THADA: variants seen among roughly 807,000 people sequenced by gnomAD.
The protein encoded by THADA is tRNA (32-2'-O)-methyltransferase regulator THADA.
In THADA, 213 loss-of-function variants were observed where a neutral mutation model predicts 219.8. The observed-to-expected ratio is 0.97, with a 90% CI of 0.87 to 1.09. The LOEUF (loss-of-function observed/expected upper bound fraction) is 1.09, where lower values mean the gene tolerates loss of function less well. Ranked by LOEUF, THADA falls within the 50% of genes least tolerant of loss-of-function variation. THADA has a pLI of 0.00. For missense variants in THADA, 2,956 were observed against 2,311.3 expected, an observed-to-expected ratio of 1.28 and a Z score of -5.72; for synonymous variants, 1,018 against 828.9, an observed-to-expected ratio of 1.23 and a Z score of -3.92.
intron 24 of THADA, among the ~76,000 whole-genome samples, chr2:43,499,674 G>A (rs534371785): frequency 1.3e-5 from 2 of 152,066 alleles, no homozygotes; most frequent in South Asian, 2.1e-4. Flanking sequence ...AGCGCACCCG[G>A]CCTAAAAAAA....
intron 26 of THADA, among the ~76,000 whole-genome samples, chr2:43,445,440 T>A (rs112258625): frequency 1.1e-4 from 16 of 152,140 alleles, no homozygotes; most frequent in African/African-American, 3.1e-4. Flanking sequence ...AACAAAACAA[T>A]GAGTGATCAG....
chr2:43,460,638 G>T (rs1289850787), intron 26 of THADA, among the ~76,000 whole-genome samples: 1 of 152,132 alleles, frequency 6.6e-6, no homozygotes, highest in East Asian at 1.9e-4. Context: ...GTACATAAAA[G>T]ATACAATTCT....
At chr2:43,455,518 TCA>T (rs35958795) in intron 26 of THADA, among the ~76,000 whole-genome samples, 70,361 of 148,650 alleles carry the variant, frequency 0.47, 16,988 homozygotes, top group African/African-American at 0.6. Context: ...TCTCTCTCTC[TCA>T]CACACACACA....
intron 26 of THADA, among the ~76,000 whole-genome samples, chr2:43,441,310 A>C (rs1247254071): frequency 1.3e-5 from 2 of 152,216 alleles, no homozygotes; most frequent in African/African-American, 4.8e-5. Flanking sequence ...CCAGAGTTCT[A>C]ATTTACTACA....
chr2:43,359,593 T>A (rs1291553755), intron 29 of THADA, among the ~76,000 whole-genome samples: 1 of 152,146 alleles, frequency 6.6e-6, no homozygotes, highest in East Asian at 1.9e-4. Flanking sequence ...GGCAGAAGAA[T>A]TGCTTGAACC....
intron 34 of THADA, among the ~76,000 whole-genome samples, chr2:43,291,042 T>C (rs1674632524): frequency 6.6e-6 from 1 of 151,990 alleles, no homozygotes; most frequent in Non-Finnish European, 1.5e-5. Flanking sequence ...ATTGACATGC[T>C]TACTCCTCTT....
intron 15 of THADA, chr2:43,564,150 A>G (rs1241197027): frequency 6.6e-6 from 1 of 152,244 alleles, no homozygotes; most frequent in Non-Finnish European, 1.5e-5. Flanking sequence ...GTAATCAATC[A>G]CTCTAAGGTA....
At chr2:43,333,853 G>C (rs1169991711) in intron 30 of THADA, among the ~76,000 whole-genome samples, 1 of 152,198 alleles carries the variant, frequency 6.6e-6, no homozygotes, top group Non-Finnish European at 1.5e-5. Flanking sequence ...CTTCAGGAGG[G>C]GACCAGCCCA....
chr2:43,254,905 C>T (rs1277851836), intron 36 of THADA, among the ~76,000 whole-genome samples: 1 of 152,158 alleles, frequency 6.6e-6, no homozygotes, highest in Non-Finnish European at 1.5e-5. Flanking sequence ...CTCCTGCACT[C>T]TTTGGTCATC....
In THADA at chr2:43,293,149, C is replaced by T. The variant is rs755357069; in HGVS notation, c.4503G>A (p.Thr1501=). The change falls in exon 32 of 38, where the codon ACG becomes ACA. Residue 1501 remains threonine, a synonymous_variant. Coordinates refer to ENST00000405975, the MANE Select transcript of THADA (RefSeq NM_022065.5). ...RGIISGSELI[T]GFPWAFKVPG... is the part of the protein sequence containing the mutation. ...GCACCTTGAAGGCCCAAGGGAATCC[C>T]GTTATCAGCTCTGATCCTGAGATAA... The T allele has an allele frequency of 6.2e-6, 10 of 1,613,814 alleles. No individual in the cohort carries two copies. Among genetic ancestry groups the T allele is most frequent in the Admixed American group, 3.3e-5 (2 of 59,986 alleles).
intron 16 of THADA, among the ~76,000 whole-genome samples, chr2:43,558,690 G>A (rs1697691204): frequency 6.6e-6 from 1 of 152,130 alleles, no homozygotes. Flanking sequence ...GCTTGCAGAG[G>A]GCTATTGTGG....
In THADA at chr2:43,293,218, G is replaced by C. The variant is rs935307701; in HGVS notation, c.4439-5C>G. On this transcript the variant is annotated splice_polypyrimidine_tract_variant and splice_region_variant and intron_variant, in intron 31 of 37. Transcript: ENST00000405975. ...AGAAGCCAAGACTCTCCAGAACTAA[G>C]AAGCAAAAAAAGCAAAAGGGAAAGA... 2.5e-6 allele frequency: 4 copies of C among 1,585,652 alleles called. No homozygotes were observed. In the Admixed American group the frequency reaches 5.5e-5, roughly 22 times the overall value.
At chr2:43,272,410 G>C (rs990886607) in intron 36 of THADA, among the ~76,000 whole-genome samples, 12 of 152,212 alleles carry the variant, frequency 7.9e-5, no homozygotes, top group African/African-American at 2.9e-4. Flanking sequence ...GAAGTCTGGG[G>C]AGAGATGGTG....
intron 28 of THADA, among the ~76,000 whole-genome samples, chr2:43,410,009 C>T (rs1192231231): frequency 6.8e-6 from 1 of 147,218 alleles, no homozygotes; most frequent in African/African-American, 2.5e-5. Context: ...AGATCAAGAT[C>T]TCATCTCTTA....
intron 29 of THADA, among the ~76,000 whole-genome samples, chr2:43,381,906 A>C (rs750216916): frequency 1.3e-5 from 2 of 152,174 alleles, no homozygotes; most frequent in Admixed American, 6.5e-5. Context: ...TATTGATAGC[A>C]TGTGATAGCA....
chr2:43,420,779 G>T (rs1006004770), intron 28 of THADA, among the ~76,000 whole-genome samples: 18 of 152,150 alleles, frequency 1.2e-4, no homozygotes, highest in African/African-American at 4.1e-4. Context: ...AGATAACAAG[G>T]TATCTTTTTA....
At chr2:43,586,679 C>G (rs1422203796) in intron 6 of THADA, 23 bp downstream of exon 6, 2 of 1,601,632 alleles carry the variant, frequency 1.2e-6, no homozygotes, top group Admixed American at 1.7e-5. Context: ...ACTCATGGAA[C>G]AAAATAAAAT....
At chr2:43,439,759 G>A (rs920124215) in intron 26 of THADA, among the ~76,000 whole-genome samples, 44 of 152,210 alleles carry the variant, frequency 2.9e-4, no homozygotes, top group African/African-American at 1.0e-3. Context: ...GGCATCCACT[G>A]GGGGTCTTGA....
At chr2:43,268,687 G>A (rs1361327348) in intron 36 of THADA, among the ~76,000 whole-genome samples, 1 of 152,200 alleles carries the variant, frequency 6.6e-6, no homozygotes, top group Non-Finnish European at 1.5e-5. Flanking sequence ...CGCCACCGTG[G>A]CCAGTGAAGA....
Sources: allele counts gnomAD v4.1 joint callset (sites outside exome capture counted in the v4.1 genomes callset), GRCh38; gene constraint gnomAD v4.1.1; transcripts MANE v1.5; gene names NCBI Gene and HGNC (gene_info 2026-07-23, HGNC 2026-07-21).